Variants in GIGYF2 observed in about 807,000 individuals in gnomAD.
The protein encoded by GIGYF2 is GRB10 interacting GYF protein 2.
In GIGYF2, 25 loss-of-function variants were observed where a neutral mutation model predicts 208.1. That is an observed-to-expected ratio of 0.12 (90% CI 0.09 to 0.17). The LOEUF is 0.17. Ranked by LOEUF, GIGYF2 falls within the 10% of genes least tolerant of loss-of-function variation. The pLI, the probability that GIGYF2 is intolerant of heterozygous loss-of-function variation, is 1.00. For missense variants in GIGYF2, 1,302 were observed against 1,579.4 expected (o/e 0.82, Z 2.98); for synonymous variants, 534 against 543.8 (o/e 0.98, Z 0.25).
chr2:232,785,399 T>G (rs1699878490), intron 8 of GIGYF2, among the ~76,000 whole-genome samples: 1 of 152,202 alleles, frequency 6.6e-6, no homozygotes, highest in South Asian at 2.1e-4. Context: ...CAACTGGGGT[T>G]TGATCCACTT....
At chr2:232,708,978 G>A (rs1421564384) in intron 2 of GIGYF2, among the ~76,000 whole-genome samples, 3 of 152,034 alleles carry the variant, frequency 2.0e-5, no homozygotes, top group East Asian at 1.9e-4. Context: ...AAAATTAGCC[G>A]GATGTTGGTG....
At chr2:232,830,432 G>T (rs1328063837) in intron 21 of GIGYF2, among the ~76,000 whole-genome samples, 1 of 151,992 alleles carries the variant, frequency 6.6e-6, no homozygotes, top group African/African-American at 2.4e-5. Context: ...TTAAGACATA[G>T]ATTTTTTTTT....
At chr2:232,804,266 T>C (rs1301199420) in intron 14 of GIGYF2, among the ~76,000 whole-genome samples, 1 of 145,796 alleles carries the variant, frequency 6.9e-6, no homozygotes, top group South Asian at 2.7e-4. Flanking sequence ...GTTAGTCTTT[T>C]AGTTCATGAA....
At chr2:232,849,622 G>C (rs1241940218) in intron 27 of GIGYF2, among the ~76,000 whole-genome samples, 2 of 152,166 alleles carry the variant, frequency 1.3e-5, no homozygotes, top group East Asian at 3.9e-4. Context: ...CACCAGGCTT[G>C]TCCTTCCACA....
At chr2:232,797,185 GGTGT>G (rs1700247765) in intron 14 of GIGYF2, among the ~76,000 whole-genome samples, 1 of 151,948 alleles carries the variant, frequency 6.6e-6, no homozygotes. Context: ...AGATTTGTGT[GGTGT>G]GTAAGTTCGA....
chr2:232,700,383 A>T (rs1695788932), intron 1 of GIGYF2, among the ~76,000 whole-genome samples: 1 of 152,070 alleles, frequency 6.6e-6, no homozygotes, highest in Admixed American at 6.5e-5. Context: ...TGACCTTCAC[A>T]TTGGAAGATG....
Position 232,793,469 on chromosome 2 carries a change from G to C in GIGYF2, c.1283-1279G>C, listed in dbSNP as rs188827009. 2.6e-3 allele frequency among the ~76,000 whole-genome samples: 396 copies of C among 152,216 alleles called. 2 individuals carry two copies. The highest frequency in any genetic ancestry group is 8.8e-3 in the African/African-American group (366 of 41,544). ...GTGCCATTCACACGAAAAGAAGAGG[G>C]AAGAGCCAAAGAGCCTGAGAGGATT... is the stretch of plus-strand genomic sequence containing the variant. On this transcript the variant is annotated intron_variant, in intron 12 of 28. Coordinates refer to ENST00000373563, the MANE Select transcript of GIGYF2 (RefSeq NM_001103146.3).
chr2:232,821,312 G>C, intron 21 of GIGYF2, among the ~76,000 whole-genome samples: 1 of 152,186 alleles, frequency 6.6e-6, no homozygotes, highest in East Asian at 1.9e-4. Flanking sequence ...AGGCAGTTCT[G>C]CCTCAGCCTC....
Position 232,847,519 on chromosome 2 carries a change from A to AGCAGCAGCTGCC in GIGYF2, c.3640_3641insTGCCGCAGCAGC (p.Gln1213_Gln1214insLeuProGlnGln), listed in dbSNP as rs765237012. 19 of 252,566 alleles carry AGCAGCAGCTGCC rather than the reference A, an allele frequency of 7.5e-5. No individual in the cohort carries two copies. The highest frequency in any genetic ancestry group is 7.3e-4 in the African/African-American group (8 of 10,904). The allele number at this position is 252,566 out of a possible 1,614,324, so 15.6% of individuals were successfully genotyped here. A position where few individuals can be genotyped will look rare whatever the true frequency, so the allele number is the denominator to read the frequency against. ...CAGCGTCAGCAGCAGCAGCTGCCAC[A>AGCAGCAGCTGCC]GCAGCAGCAGCAGCAGCCGCCACAG... is the stretch of plus-strand genomic sequence containing the variant. On this transcript the variant is annotated inframe_insertion, in exon 27 of 29. Coordinates refer to ENST00000373563, the MANE Select transcript of GIGYF2 (RefSeq NM_001103146.3).
At chr2:232,790,569 C>G in intron 9 of GIGYF2, 129 bp from the exon 10 acceptor site, 2 of 801,154 alleles carry the variant, frequency 2.5e-6, no homozygotes, top group Non-Finnish European at 4.4e-6. Context: ...CTAATGTTCT[C>G]TTTACTAGGT....
intron 8 of GIGYF2, among the ~76,000 whole-genome samples, chr2:232,786,843 G>A (rs182005713): frequency 4.6e-4 from 70 of 152,234 alleles, no homozygotes; most frequent in African/African-American, 1.7e-3. Flanking sequence ...AAGAAACTTG[G>A]TGATGGTTCC....
chr2:232,711,507 T>G (rs1474428272), intron 2 of GIGYF2, among the ~76,000 whole-genome samples: 4 of 151,540 alleles, frequency 2.6e-5, no homozygotes, highest in African/African-American at 9.7e-5. Context: ...CATAAATATA[T>G]TTTTAATATG....
intron 8 of GIGYF2, among the ~76,000 whole-genome samples, chr2:232,784,582 G>C (rs1219075523): frequency 7.0e-6 from 1 of 142,132 alleles, no homozygotes; most frequent in Non-Finnish European, 1.5e-5. Context: ...AGTAGAGATG[G>C]GGTTTCATCG....
At chr2:232,817,176 C>T (rs1328771973) in intron 20 of GIGYF2, 144 bp downstream of exon 20, 3 of 747,882 alleles carry the variant, frequency 4.0e-6, no homozygotes, top group African/African-American at 3.5e-5. Context: ...TGGAAAGAAT[C>T]TCTGTTTTTC....
chr2:232,760,896 A>G (rs892176048), intron 7 of GIGYF2, among the ~76,000 whole-genome samples: 2 of 151,604 alleles, frequency 1.3e-5, no homozygotes, highest in African/African-American at 4.9e-5. Flanking sequence ...TTCTCTCTAT[A>G]TTGTTTGTGG....
chr2:232,857,052 G>A lies in GIGYF2; in HGVS notation c.*192G>A, dbSNP rs1690606182. 3.1e-6 allele frequency: 2 copies of A among 639,406 alleles called. No homozygotes were observed. The highest frequency in any genetic ancestry group is 4.5e-5 in the Admixed American group (2 of 44,664). The allele number at this position is 639,406 out of a possible 1,614,324, so 39.6% of individuals were successfully genotyped here. ...TCCATTTTTGTTGGTGAACATCTCA[G>A]ACTATAGATAAGTGGACTGGACCCT... On this transcript the variant is annotated 3_prime_UTR_variant, in exon 29 of 29. Transcript: ENST00000373563.
At chr2:232,736,973 A>T (rs1043382831) in intron 3 of GIGYF2, among the ~76,000 whole-genome samples, 4 of 152,244 alleles carry the variant, frequency 2.6e-5, no homozygotes, top group African/African-American at 9.6e-5. Flanking sequence ...ATTTAGCTTG[A>T]TGCCTAATAT....
chr2:232,828,876 A>G (rs1487691397), intron 21 of GIGYF2: 1 of 152,180 alleles, frequency 6.6e-6, no homozygotes, highest in Non-Finnish European at 1.5e-5. Flanking sequence ...AAAGTGCTAG[A>G]ATTATAGGCA....
At chr2:232,832,171 G>A (rs1385200119) in intron 21 of GIGYF2, among the ~76,000 whole-genome samples, 2 of 152,204 alleles carry the variant, frequency 1.3e-5, no homozygotes, top group Non-Finnish European at 2.9e-5. Context: ...TCTGACCTAC[G>A]TTTTAAAGAA....
Sources: gnomAD v4.1 joint callset for allele counts (sites outside exome capture counted in the v4.1 genomes callset) on GRCh38, gnomAD v4.1.1 for gene constraint, MANE v1.5 for transcripts, NCBI Gene and HGNC (gene_info 2026-07-23, HGNC 2026-07-21) for gene names.